PIWIL1: variants seen among roughly 807,000 people sequenced by gnomAD.
The protein encoded by PIWIL1 is piwi-like protein 1.
A neutral mutation model predicts 114.4 loss-of-function variants in PIWIL1; 73 were observed. That is an observed-to-expected ratio of 0.64 (90% confidence interval 0.53 to 0.78). The LOEUF (loss-of-function observed/expected upper bound fraction) is 0.78, where lower values mean the gene tolerates loss of function less well. PIWIL1 is among the 30% of genes least tolerant of loss of function. The pLI is 0.00. For missense variants in PIWIL1, 723 were observed against 1,063.1 expected, an observed-to-expected ratio of 0.68 and a Z score of 4.45; for synonymous variants, 375 against 369.0, an observed-to-expected ratio of 1.02 and a Z score of -0.19.
chr12:130,371,050 C>T (rs377144229), intron 19 of PIWIL1, 126 bp from the exon 20 acceptor site: 9 of 771,420 alleles, frequency 1.2e-5, no homozygotes, highest in Non-Finnish European at 1.7e-5. Flanking sequence ...CACGTTACAG[C>T]GTGAGAAGAG....
intron 9 of PIWIL1, chr12:130,351,257 C>T (rs1422668225): frequency 6.6e-6 from 1 of 152,208 alleles, no homozygotes; most frequent in African/African-American, 2.4e-5. Flanking sequence ...CCTTCCCTGA[C>T]TGGTACTGAG....
the PIWIL1 span, among the ~76,000 whole-genome samples, chr12:130,393,104 C>G: frequency 2.8e-4 from 34 of 121,978 alleles, no homozygotes; most frequent in East Asian, 9.9e-4. Flanking sequence ...TCACGTGTGT[C>G]CGTCAGTTAC....
intron 2 of PIWIL1, 34 bp from the exon 3 acceptor site, chr12:130,342,956 G>T: frequency 6.5e-7 from 1 of 1,537,010 alleles, no homozygotes; most frequent in Non-Finnish European, 9.0e-7. Context: ...ACCGCTTGAC[G>T]AAAAGAATGT....
chr12:130,421,724 T>TGTGTGTGTGTGTGTGTGTGTGTGTGTG, the PIWIL1 span, among the ~76,000 whole-genome samples: 1 of 151,366 alleles, frequency 6.6e-6, no homozygotes, highest in African/African-American at 2.4e-5. Flanking sequence ...TGTGTGTGTG[T>TGTGTGTGTGTGTGTGTGTGTGTGTGTG]TTTCATAGAA....
the PIWIL1 span, among the ~76,000 whole-genome samples, chr12:130,423,168 T>A: frequency 1.1e-4 from 17 of 152,318 alleles, no homozygotes; most frequent in African/African-American, 4.1e-4. Context: ...AGGGTTAGGA[T>A]TGACTAAAGA....
At chr12:130,368,320 G>C (rs552600098) in intron 19 of PIWIL1, among the ~76,000 whole-genome samples, 5 of 152,272 alleles carry the variant, frequency 3.3e-5, no homozygotes, top group Non-Finnish European at 7.3e-5. Context: ...TGTGTGCAAA[G>C]TTGACATGTG....
chr12:130,369,741 T>C (rs776919670), intron 19 of PIWIL1, among the ~76,000 whole-genome samples: 1 of 152,214 alleles, frequency 6.6e-6, no homozygotes, highest in Admixed American at 6.5e-5. Context: ...AATGTTTTTT[T>C]TTCTTGTAAA....
downstream of PIWIL1, among the ~76,000 whole-genome samples, chr12:130,373,574 A>G (rs1335909527): frequency 2.6e-5 from 4 of 152,160 alleles, no homozygotes; most frequent in African/African-American, 7.2e-5. Context: ...AAATTTACTA[A>G]TCTGTTAGAC....
At chr12:130,424,210 T>C in the PIWIL1 span, 3 of 1,231,842 alleles carry the variant, frequency 2.4e-6, no homozygotes, top group Non-Finnish European at 3.0e-6. The surrounding 1 kb of genome is among the most constrained non-coding windows in gnomAD (Gnocchi z 9.8). Flanking sequence ...TCGGGCATGG[T>C]TATGCTTTTC....
At chr12:130,357,625 G>T in intron 14 of PIWIL1, 72 bp downstream of exon 14, 1 of 927,718 alleles carries the variant, frequency 1.1e-6, no homozygotes. Flanking sequence ...TGTACATTTT[G>T]GAACTTGGAG....
At chr12:130,343,671 G>C (rs930035523) in intron 3 of PIWIL1, among the ~76,000 whole-genome samples, 7 of 146,076 alleles carry the variant, frequency 4.8e-5, no homozygotes, top group Non-Finnish European at 1.0e-4. Flanking sequence ...TGTCTCCCAG[G>C]CTGGAGTGCA....
the PIWIL1 span, among the ~76,000 whole-genome samples, chr12:130,406,612 A>G: frequency 6.5e-4 from 99 of 152,348 alleles, 1 homozygote; most frequent in Admixed American, 1.0e-3. Flanking sequence ...ATATCCTTTC[A>G]CTGAGTATTT....
the PIWIL1 span, among the ~76,000 whole-genome samples, chr12:130,385,943 T>C: frequency 6.6e-6 from 1 of 152,180 alleles, no homozygotes; most frequent in South Asian, 2.1e-4. Flanking sequence ...AACATATCAG[T>C]CCTTTACTTG....
In PIWIL1 at chr12:130,356,932, A is replaced by G. The variant is rs771280145; in HGVS notation, c.1419A>G (p.Pro473=). ...CTCTCTTCTAGTTTGATTACAATCC[A>G]CAATTTGCAGATTGGTCCAAAGAAA... ...HQGGKTFDYN[P]QFADWSKETR... is the part of the protein sequence containing the mutation. The change falls in exon 13 of 21, where the codon CCA becomes CCG. Residue 473 remains proline, a synonymous_variant. Transcript: ENST00000245255. 6.2e-7 allele frequency: 1 copy of G among 1,608,622 alleles called. No individual in the cohort carries two copies. Among genetic ancestry groups the G allele is most frequent in the Non-Finnish European group, 8.5e-7 (1 of 1,176,690 alleles).
chr12:130,342,645 A>G lies in PIWIL1; in HGVS notation c.54A>G (p.Thr18=), dbSNP rs753159617. 15 of 1,613,770 alleles carry G rather than the reference A, an allele frequency of 9.3e-6. No individual in the cohort carries two copies. The highest frequency in any genetic ancestry group is 1.3e-5 in the Non-Finnish European group (15 of 1,179,722). Residue 18 remains threonine (T), a synonymous_variant, in exon 2 of 21, where the codon ACA becomes ACG. Coordinates refer to ENST00000245255, the MANE Select transcript of PIWIL1 (RefSeq NM_004764.5). ...RARGRARGQE[T]AQLVGSTASQ... is the part of the protein sequence containing the mutation. ...GAGGAAGGGCCCGCGGTCAGGAGAC[A>G]GCGCAGCTGGTGGGCTCCACTGCCG... is the stretch of plus-strand genomic sequence containing the variant.
the PIWIL1 span, chr12:130,425,056 G>A: frequency 9.6e-5 from 38 of 396,018 alleles, no homozygotes; most frequent in Admixed American, 2.2e-4. Context: ...GGGCTGGGGC[G>A]GGGTGGAGGC....
chr12:130,349,407 A>G lies in PIWIL1; in HGVS notation c.903A>G (p.Lys301=). 1.9e-6 allele frequency: 3 copies of G among 1,612,518 alleles called. No individual in the cohort carries two copies. Among genetic ancestry groups the G allele is most frequent in the Non-Finnish European group, 2.5e-6 (3 of 1,178,660 alleles). The change falls in exon 8 of 21, where the codon AAA becomes AAG. Residue 301 remains lysine (K), a synonymous_variant. Transcript: ENST00000245255. ...ATAAATTTCAAGAACAAGTTTCCAA[A>G]GAACTAATAGGTTTAGTTGTTCTTA... ...EEHKFQEQVS[K]ELIGLVVLTK...
At chr12:130,388,633 A>G in the PIWIL1 span, among the ~76,000 whole-genome samples, 1 of 152,190 alleles carries the variant, frequency 6.6e-6, no homozygotes, top group Non-Finnish European at 1.5e-5. Context: ...CTTTCATCAT[A>G]AAGTTTCATA....
intron 1 of PIWIL1, 195 bp from the exon 2 acceptor site, chr12:130,342,385 C>T: frequency 1.7e-6 from 1 of 594,072 alleles, no homozygotes; most frequent in Non-Finnish European, 3.0e-6. Context: ...GTGCCCAGTG[C>T]AAGGTAAGCA....
Sources: gnomAD v4.1 joint callset for allele counts (sites outside exome capture counted in the v4.1 genomes callset) on GRCh38, gnomAD v4.1.1 for gene constraint, Gnocchi (gnomAD v3.1) non-coding constraint, MANE v1.5 for transcripts, NCBI Gene and HGNC (gene_info 2026-07-23, HGNC 2026-07-21) for gene names.